The following PHACTR2 variants were observed in gnomAD, a reference collection of about 807,000 sequenced individuals.
The protein encoded by PHACTR2 is phosphatase and actin regulator 2.
PHACTR2 carries 30 observed loss-of-function variants against 76.0 expected under a neutral mutation model. The observed-to-expected ratio is 0.39, with a 90% CI of 0.30 to 0.54. The LOEUF (loss-of-function observed/expected upper bound fraction) is 0.54, where lower values mean the gene tolerates loss of function less well. Among genes scored for constraint, PHACTR2 ranks in the 20% least tolerant of loss-of-function variants. The pLI, the probability that PHACTR2 is intolerant of heterozygous loss-of-function variation, is 0.61. For synonymous variants in PHACTR2, 292 were observed against 292.5 expected, an observed-to-expected ratio of 1.00 and a Z score of 0.02; for missense variants, 696 against 781.1, an observed-to-expected ratio of 0.89 and a Z score of 1.30.
chr6:143,732,745 T>C (rs1427370490), intron 2 of PHACTR2, among the ~76,000 whole-genome samples: 3 of 152,214 alleles, frequency 2.0e-5, no homozygotes, highest in Non-Finnish European at 4.4e-5. Context: ...CCATTTTATA[T>C]TCCTACTAGC....
At chr6:143,686,518 C>T (rs111633243) in intron 1 of PHACTR2, among the ~76,000 whole-genome samples, 23,688 of 123,790 alleles carry the variant, frequency 0.19, 2,161 homozygotes, top group East Asian at 0.37. Flanking sequence ...GACAGAGTCT[C>T]GCTCTTTTAC....
At chr6:143,670,082 AT>A (rs988927526) in intron 1 of PHACTR2, among the ~76,000 whole-genome samples, 5 of 152,068 alleles carry the variant, frequency 3.3e-5, no homozygotes, top group African/African-American at 4.8e-5. Context: ...TCTGTAAAGG[AT>A]TTTATTTCTC....
rs1334437954 is a variant in PHACTR2, at chr6:143,646,827, G to C, written c.13+38505G>C. ...CTTGACATGAAGTTATGCTCAGCCTGCTTATTATGCTAGAGCTTAGTGTCT... is the reference window on the plus strand; with the variant it reads ...CTTGACATGAAGTTATGCTCAGCCTCCTTATTATGCTAGAGCTTAGTGTCT... On this transcript the variant is annotated intron_variant, in intron 1 of 11. Coordinates refer to the PHACTR2 transcript ENST00000305766. The surrounding 1 kb of genome is among the most constrained non-coding windows in gnomAD (Gnocchi z 4.1). 6.6e-6 allele frequency among the ~76,000 whole-genome samples: 1 copy of C among 152,176 alleles called. No homozygotes were observed. The highest frequency in any genetic ancestry group is 2.4e-5 in the African/African-American group (1 of 41,436).
At chr6:143,728,572 C>G (rs753263276) in intron 2 of PHACTR2, among the ~76,000 whole-genome samples, 21 of 152,098 alleles carry the variant, frequency 1.4e-4, no homozygotes, top group Non-Finnish European at 2.2e-4. Context: ...ATCATAGTAC[C>G]TGACTTCAAA....
Position 143,751,900 on chromosome 6 carries a change from T to C in PHACTR2, c.296-1854T>C, listed in dbSNP as rs1779190940. The stretch of plus-strand genomic sequence containing the variant: ...TCAATACTAGAAAGCCTTTTCAATA[T>C]ACACACCAGCTAATTAATAACTTTA... On this transcript the variant is annotated intron_variant, in intron 3 of 12. Transcript: ENST00000440869. This position sits in a 1 kb window ranked among gnomAD's most constrained non-coding sequence, Gnocchi z 5.7. 6.6e-6 allele frequency among the ~76,000 whole-genome samples: 1 copy of C among 152,102 alleles called. No homozygotes were observed. The highest frequency in any genetic ancestry group is 2.1e-4 in the South Asian group (1 of 4,830).
intron 6 of PHACTR2, among the ~76,000 whole-genome samples, chr6:143,766,434 G>A (rs1403098534): frequency 1.3e-5 from 2 of 152,168 alleles, no homozygotes; most frequent in African/African-American, 4.8e-5. Context: ...TATGCCATAG[G>A]CACACAAAGG....
chr6:143,680,476 G>T lies in PHACTR2; in HGVS notation c.46+2267G>T, dbSNP rs1486962668. ...TTATTCATACTTATCGCTCAATTTG[G>T]CCTTTTGTAAAAATCTTCATTATAG... is the stretch of plus-strand genomic sequence containing the variant. On this transcript the variant is annotated intron_variant, in intron 1 of 12. Coordinates refer to ENST00000440869, the MANE Select transcript of PHACTR2 (RefSeq NM_001100164.2). The surrounding 1 kb of genome is among the most constrained non-coding windows in gnomAD (Gnocchi z 4.5). Among the ~76,000 whole-genome samples the T allele has an allele frequency of 1.3e-5, 2 of 152,100 alleles. No individual in the cohort carries two copies. The highest frequency in any genetic ancestry group is 2.9e-5 in the Non-Finnish European group (2 of 67,992).
rs1470096094 is a variant in PHACTR2, at chr6:143,550,754, TA to T, written c.217+13548del. 1.3e-5 allele frequency among the ~76,000 whole-genome samples: 2 copies of T among 151,756 alleles called. No individual in the cohort carries two copies. Among genetic ancestry groups the T allele is most frequent in the African/African-American group, 2.4e-5 (1 of 41,294 alleles). On this transcript the variant is annotated intron_variant, in intron 1 of 11. Transcript: ENST00000367584. The surrounding 1 kb of genome is among the most constrained non-coding windows in gnomAD (Gnocchi z 4.8). ...ACAACAAAAACAAACAAACAAAGAT[TA>T]GGGGCGAGTGCGGTGGCTCACGCCT...
At chr6:143,717,894 G>T (rs918540733) in intron 2 of PHACTR2, among the ~76,000 whole-genome samples, 2 of 151,958 alleles carry the variant, frequency 1.3e-5, no homozygotes, top group Non-Finnish European at 2.9e-5. Context: ...CTTTATAAAA[G>T]AAATTGAAGA....
At chr6:143,634,851 C>T (rs1467349742) in intron 1 of PHACTR2, among the ~76,000 whole-genome samples, 1 of 152,100 alleles carries the variant, frequency 6.6e-6, no homozygotes, top group African/African-American at 2.4e-5. Context: ...TTCATGGGAT[C>T]TCATAGCCAC....
Position 143,811,321 on chromosome 6 carries a change from A to T in PHACTR2, c.1922+4188A>T, listed in dbSNP as rs567643669. 6.6e-6 allele frequency among the ~76,000 whole-genome samples: 1 copy of T among 152,300 alleles called. No homozygotes were observed. Among genetic ancestry groups the T allele is most frequent in the East Asian group, 1.9e-4 (1 of 5,190 alleles). On this transcript the variant is annotated intron_variant, in intron 12 of 12. Transcript: ENST00000440869. This position sits in a 1 kb window ranked among gnomAD's most constrained non-coding sequence, Gnocchi z 4.1. The stretch of plus-strand genomic sequence containing the variant: ...GTCTATATCCTACTGTTTAATTTGG[A>T]TAGATTTGTAGTGTACTTTTATATT...
chr6:143,814,470 T>A (rs1776255052), intron 12 of PHACTR2, among the ~76,000 whole-genome samples: 1 of 151,720 alleles, frequency 6.6e-6, no homozygotes, highest in Non-Finnish European at 1.5e-5. Flanking sequence ...AAGGAGGGGG[T>A]TGGTCTTGCT....
chr6:143,552,764 C>G (rs973552088), intron 1 of PHACTR2, among the ~76,000 whole-genome samples: 33 of 151,542 alleles, frequency 2.2e-4, no homozygotes, highest in African/African-American at 7.8e-4. Context: ...ATGAGCCGGG[C>G]ATGGTGGTGG....
chr6:143,822,009 A>G lies in PHACTR2; in HGVS notation c.1923-1665A>G, dbSNP rs1776429489. On this transcript the variant is annotated intron_variant, in intron 12 of 12. Coordinates refer to ENST00000440869, the MANE Select transcript of PHACTR2 (RefSeq NM_001100164.2). The surrounding 1 kb of genome is among the most constrained non-coding windows in gnomAD (Gnocchi z 5.5). ...CTGTCCCCCTCTGGAGCTCCCCCCA[A>G]CCCACCCTGCAAAAAGTAGGTAGAG... is the stretch of plus-strand genomic sequence containing the variant. Among the ~76,000 whole-genome samples, 1 of 151,764 alleles carries G rather than the reference A, an allele frequency of 6.6e-6. No individual in the cohort carries two copies. Among genetic ancestry groups the G allele is most frequent in the South Asian group, 2.1e-4 (1 of 4,810 alleles).
Position 143,653,358 on chromosome 6 carries a change from G to C in PHACTR2, c.13+45036G>C, listed in dbSNP as rs1256574313. On this transcript the variant is annotated intron_variant, in intron 1 of 11. Transcript: ENST00000305766. The surrounding 1 kb of genome is among the most constrained non-coding windows in gnomAD (Gnocchi z 4.9). ...TTATTGCCTTTAATACTTCCCTGTT[G>C]CTATTGCTAAACCCCTTACCTTATA... 6.6e-6 allele frequency among the ~76,000 whole-genome samples: 1 copy of C among 152,064 alleles called. No homozygotes were observed. The highest frequency in any genetic ancestry group is 1.5e-5 in the Non-Finnish European group (1 of 68,024).
chr6:143,792,345 CTGGTA>C (rs1288824341), intron 11 of PHACTR2, among the ~76,000 whole-genome samples: 1 of 152,020 alleles, frequency 6.6e-6, no homozygotes, highest in African/African-American at 2.4e-5. Context: ...GTCAAGGCAT[CTGGTA>C]TGCCATTTTG....
Position 143,751,049 on chromosome 6 carries a change from A to C in PHACTR2, c.295+1984A>C, listed in dbSNP as rs1051980653. 2.6e-5 allele frequency among the ~76,000 whole-genome samples: 4 copies of C among 152,182 alleles called. No homozygotes were observed. Among genetic ancestry groups the C allele is most frequent in the African/African-American group, 7.2e-5 (3 of 41,460 alleles). On this transcript the variant is annotated intron_variant, in intron 3 of 12. Transcript: ENST00000440869. The surrounding 1 kb of genome is among the most constrained non-coding windows in gnomAD (Gnocchi z 5.7). Reference sequence around the variant, plus strand: ...TTTCCCAAAAGCAATTATCTGGAGAATTTCAGTCTGAGAGACTAGAAGCTG... The same window carrying C: ...TTTCCCAAAAGCAATTATCTGGAGACTTTCAGTCTGAGAGACTAGAAGCTG...
At chr6:143,544,940 AT>A (rs1781209864) in intron 1 of PHACTR2, among the ~76,000 whole-genome samples, 1 of 142,738 alleles carries the variant, frequency 7.0e-6, no homozygotes, top group African/African-American at 2.5e-5. Flanking sequence ...ATAATGAGAG[AT>A]TTTTGTTTTT....
intron 2 of PHACTR2, among the ~76,000 whole-genome samples, chr6:143,732,154 A>G (rs964140669): frequency 2.0e-5 from 3 of 152,210 alleles, no homozygotes; most frequent in Non-Finnish European, 2.9e-5. Context: ...TAATTGATAT[A>G]CCAAACAGTT....
Sources: allele counts gnomAD v4.1 joint callset (sites outside exome capture counted in the v4.1 genomes callset), GRCh38; gene constraint gnomAD v4.1.1; non-coding constraint Gnocchi (gnomAD v3.1); transcripts MANE v1.5; gene names NCBI Gene and HGNC (gene_info 2026-07-23, HGNC 2026-07-21).